Variants in CNTNAP2 observed in about 807,000 individuals in gnomAD.
CNTNAP2 encodes contactin-associated protein-like 2.
In CNTNAP2, 98 loss-of-function variants were observed where a neutral mutation model predicts 155.2. The observed-to-expected ratio is 0.63, with a 90% CI of 0.54 to 0.75. The LOEUF (loss-of-function observed/expected upper bound fraction) is 0.75, where lower values mean the gene tolerates loss of function less well. Among genes scored for constraint, CNTNAP2 ranks in the 30% least tolerant of loss-of-function variants. CNTNAP2 has a pLI of 0.00. For synonymous variants in CNTNAP2, 651 were observed against 631.2 expected, an observed-to-expected ratio of 1.03 and a Z score of -0.47; for missense variants, 1,727 against 1,688.1, an observed-to-expected ratio of 1.02 and a Z score of -0.40.
intron 13 of CNTNAP2, among the ~76,000 whole-genome samples, chr7:147,849,723 C>T (rs1343913419): frequency 6.6e-6 from 1 of 152,200 alleles, no homozygotes; most frequent in African/African-American, 2.4e-5. Context: ...ACTCTGTGGA[C>T]CCAGCCATGC....
chr7:146,125,078 T>C (rs1275969450), intron 1 of CNTNAP2, among the ~76,000 whole-genome samples: 4 of 152,224 alleles, frequency 2.6e-5, no homozygotes, highest in African/African-American at 9.6e-5. Context: ...AAACGAATGC[T>C]TAACTTATAG....
At chr7:147,279,172 G>A (rs1445743959) in intron 8 of CNTNAP2, among the ~76,000 whole-genome samples, 1 of 151,454 alleles carries the variant, frequency 6.6e-6, no homozygotes, top group African/African-American at 2.4e-5. Flanking sequence ...TTGGATTTCA[G>A]ATAATGCACT....
At chr7:146,483,282 AATATATATATATATATATATATATAT>A (rs200796835) in intron 1 of CNTNAP2, among the ~76,000 whole-genome samples, 1,369 of 39,866 alleles carry the variant, frequency 0.034, 86 homozygotes, top group African/African-American at 0.11. Context: ...TCTAAAAAAA[AATATATATATATATATATATATATAT>A]ATATATATAT....
At chr7:147,233,380 A>G (rs903958458) in intron 8 of CNTNAP2, among the ~76,000 whole-genome samples, 11 of 152,274 alleles carry the variant, frequency 7.2e-5, no homozygotes, top group Admixed American at 3.3e-4. Flanking sequence ...CTTTTCTTAC[A>G]TTAAATTTAA....
chr7:148,058,455 G>A (rs1298864388), intron 15 of CNTNAP2, among the ~76,000 whole-genome samples: 1 of 152,182 alleles, frequency 6.6e-6, no homozygotes, highest in Non-Finnish European at 1.5e-5. Flanking sequence ...AGATGAGGAT[G>A]CAGCTTGGGG....
rs144817398 is a variant in CNTNAP2 at position 147,256,042 on chromosome 7, A to G, written c.1349-44099A>G. Among the ~76,000 whole-genome samples the G allele has an allele frequency of 2.0e-3, 312 of 152,308 alleles. 3 individuals are homozygous for G. The highest frequency in any genetic ancestry group is 7.0e-3 in the African/African-American group (292 of 41,568). On this transcript the variant is annotated intron_variant, in intron 8 of 23. Coordinates refer to ENST00000361727, the MANE Select transcript of CNTNAP2 (RefSeq NM_014141.6). ...AGGTGTAAGCCACCACAGCTAGCCCATATTTTAGTAAGGAAAATGATGGGT... is the reference window on the plus strand; with the variant it reads ...AGGTGTAAGCCACCACAGCTAGCCCGTATTTTAGTAAGGAAAATGATGGGT...
chr7:147,770,847 A>G (rs1797457740), intron 13 of CNTNAP2, among the ~76,000 whole-genome samples: 1 of 152,210 alleles, frequency 6.6e-6, no homozygotes, highest in African/African-American at 2.4e-5. Flanking sequence ...GTGAAAATAA[A>G]TAAGCTGGTT....
intron 3 of CNTNAP2, among the ~76,000 whole-genome samples, chr7:146,995,358 A>G (rs983313834): frequency 1.3e-5 from 2 of 152,080 alleles, no homozygotes; most frequent in Non-Finnish European, 2.9e-5. Flanking sequence ...ACCATTAACA[A>G]AAGTGTTAGA....
intron 14 of CNTNAP2, among the ~76,000 whole-genome samples, chr7:147,918,411 A>G (rs1041882667): frequency 4.6e-5 from 7 of 152,250 alleles, no homozygotes; most frequent in Admixed American, 1.3e-4. Context: ...TTCACATAGC[A>G]AAAATTGGAA....
chr7:147,868,084 T>A (rs1799264711), intron 13 of CNTNAP2, among the ~76,000 whole-genome samples: 1 of 152,030 alleles, frequency 6.6e-6, no homozygotes, highest in Non-Finnish European at 1.5e-5. Flanking sequence ...ATCTTTGTGG[T>A]TTTATCTACC....
intron 13 of CNTNAP2, among the ~76,000 whole-genome samples, chr7:147,819,425 A>G (rs1394403819): frequency 1.3e-5 from 2 of 152,168 alleles, no homozygotes; most frequent in African/African-American, 4.8e-5. Flanking sequence ...CATCTAAATA[A>G]TGAATTCTGT....
At chr7:146,145,798 A>C (rs1285734254) in intron 1 of CNTNAP2, among the ~76,000 whole-genome samples, 1 of 152,208 alleles carries the variant, frequency 6.6e-6, no homozygotes, top group Non-Finnish European at 1.5e-5. Context: ...GTTTTAGTAT[A>C]TCAGCTTTTG....
intron 17 of CNTNAP2, among the ~76,000 whole-genome samples, chr7:148,169,321 A>C (rs1214807368): frequency 2.0e-5 from 3 of 152,340 alleles, no homozygotes; most frequent in Admixed American, 1.3e-4. Flanking sequence ...TGTGTGGAGA[A>C]GATGAAAATC....
chr7:147,951,171 A>C (rs1223297370), intron 14 of CNTNAP2, among the ~76,000 whole-genome samples: 1 of 152,194 alleles, frequency 6.6e-6, no homozygotes, highest in African/African-American at 2.4e-5. Context: ...TTCCAGGATC[A>C]CTGTATTTGG....
intron 19 of CNTNAP2, among the ~76,000 whole-genome samples, chr7:148,226,472 C>A (rs1305851618): frequency 6.6e-6 from 1 of 152,066 alleles, no homozygotes; most frequent in East Asian, 1.9e-4. Flanking sequence ...CACCAAGGAA[C>A]GACCGTCTCC....
chr7:148,145,319 G>T (rs1805157112), intron 16 of CNTNAP2, among the ~76,000 whole-genome samples: 1 of 152,140 alleles, frequency 6.6e-6, no homozygotes, highest in African/African-American at 2.4e-5. Context: ...TGACGGTGAA[G>T]AAATAGGGGA....
At chr7:146,694,828 CTAAG>C (rs1401019276) in intron 1 of CNTNAP2, among the ~76,000 whole-genome samples, 1 of 152,026 alleles carries the variant, frequency 6.6e-6, no homozygotes, top group Non-Finnish European at 1.5e-5. Flanking sequence ...GGCCTTATAT[CTAAG>C]TGTTTGATAA....
intron 3 of CNTNAP2, among the ~76,000 whole-genome samples, chr7:146,907,680 C>A (rs1259107593): frequency 6.7e-6 from 1 of 150,060 alleles, no homozygotes; most frequent in Non-Finnish European, 1.5e-5. Flanking sequence ...CAACCGGTAC[C>A]AGCTGCTGCA....
chr7:148,248,063 C>T (rs536091490), intron 20 of CNTNAP2, among the ~76,000 whole-genome samples: 3 of 152,232 alleles, frequency 2.0e-5, no homozygotes, highest in Non-Finnish European at 4.4e-5. Context: ...ATGTAGCCAC[C>T]ACCACACTCA....
Sources: gnomAD v4.1 joint callset for allele counts (sites outside exome capture counted in the v4.1 genomes callset) on GRCh38, gnomAD v4.1.1 for gene constraint, MANE v1.5 for transcripts, NCBI Gene and HGNC (gene_info 2026-07-23, HGNC 2026-07-21) for gene names.